COLEC10: variants seen among roughly 807,000 people sequenced by gnomAD.
COLEC10 encodes the protein collectin-10.
A neutral mutation model predicts 28.4 loss-of-function variants in COLEC10; 22 were observed. The ratio of observed to expected loss-of-function variants is 0.78; its 90% CI spans 0.55 to 1.11. The LOEUF is 1.11. Ranked by LOEUF, COLEC10 falls within the 50% of genes least tolerant of loss-of-function variation. The pLI is 0.00. For synonymous variants in COLEC10, 125 were observed against 116.1 expected, an observed-to-expected ratio of 1.08 and a Z score of -0.49; for missense variants, 361 against 344.1, an observed-to-expected ratio of 1.05 and a Z score of -0.39.
At chr8:118,965,553 G>C in the COLEC10 span, among the ~76,000 whole-genome samples, 98,639 of 151,738 alleles carry the variant, frequency 0.65, 33,433 homozygotes, top group African/African-American at 0.85. Context: ...CACCTATGCT[G>C]TAAATGCAAA....
chr8:119,061,070 C>T (rs868404522), intron 2 of COLEC10, among the ~76,000 whole-genome samples: 1 of 151,882 alleles, frequency 6.6e-6, no homozygotes, highest in African/African-American at 2.4e-5. Context: ...ATAATAGGTG[C>T]TCAATAAACA....
chr8:119,087,505 G>A (rs182366889), intron 1 of COLEC10, among the ~76,000 whole-genome samples: 64 of 152,222 alleles, frequency 4.2e-4, no homozygotes, highest in African/African-American at 1.5e-3. Context: ...TAAGTTAAAG[G>A]ACTTCCCAAA....
At position 119,107,637 on chromosome 8, in the gene COLEC10, G is replaced by C. The variant is rs998180742; in HGVS notation, c.*1446G>C. Among the ~76,000 whole-genome samples, 5 of 152,102 alleles carry C rather than the reference G, an allele frequency of 3.3e-5. No individual in the cohort carries two copies. The highest frequency in any genetic ancestry group is 1.2e-4 in the African/African-American group (5 of 41,438). ...GGTTATTTCTGTGGGTTCAACAAGG[G>C]CCATAAACTCAGATCCTACAGGGGC... On this transcript the variant is annotated 3_prime_UTR_variant, in exon 6 of 6. Transcript: ENST00000332843.
intron 3 of COLEC10, among the ~76,000 whole-genome samples, chr8:119,092,416 T>G (rs1030171276): frequency 1.3e-5 from 2 of 152,106 alleles, no homozygotes; most frequent in Non-Finnish European, 2.9e-5. Flanking sequence ...AAAACAGAGA[T>G]AGTCTCCTCT....
intron 1 of COLEC10, among the ~76,000 whole-genome samples, chr8:119,072,050 C>T (rs1248058343): frequency 1.3e-5 from 2 of 152,198 alleles, no homozygotes; most frequent in African/African-American, 4.8e-5. Flanking sequence ...TCCCAGGTGC[C>T]TCTGTCTCTG....
intron 1 of COLEC10, among the ~76,000 whole-genome samples, chr8:119,070,888 A>G (rs772343631): frequency 6.6e-6 from 1 of 152,068 alleles, no homozygotes; most frequent in Admixed American, 6.6e-5. Flanking sequence ...AATTTCCACA[A>G]TTTCCCTATG....
chr8:119,074,142 G>A (rs938945670), intron 1 of COLEC10, among the ~76,000 whole-genome samples: 4 of 151,898 alleles, frequency 2.6e-5, no homozygotes, highest in African/African-American at 9.7e-5. Context: ...GATTAACAGA[G>A]GCTAGGAAGG....
rs1587063842 is a variant in COLEC10 at position 119,098,325 on chromosome 8, A to G, written c.293-4023A>G. On this transcript the variant is annotated intron_variant, in intron 3 of 5. Transcript: ENST00000332843. The stretch of plus-strand genomic sequence containing the variant: ...TTTAGTACGATTAGCTGAGCCCCAA[A>G]GTGGATGAACTTCCAGAGATGTTGA... 2.6e-5 allele frequency among the ~76,000 whole-genome samples: 4 copies of G among 152,110 alleles called. No individual in the cohort carries two copies. The East Asian group carries it at 7.7e-4, about 29-fold the overall frequency.
At chr8:119,088,243 A>G (rs1342230742) in intron 1 of COLEC10, among the ~76,000 whole-genome samples, 1 of 152,012 alleles carries the variant, frequency 6.6e-6, no homozygotes, top group Non-Finnish European at 1.5e-5. Flanking sequence ...AAAGAGAAAG[A>G]AAAGAAAGAA....
chr8:119,064,735 G>A (rs550929180), upstream of COLEC10, among the ~76,000 whole-genome samples: 3 of 151,780 alleles, frequency 2.0e-5, no homozygotes, highest in South Asian at 6.2e-4. Flanking sequence ...GCTTGAGAAT[G>A]TTCATCTTTA....
chr8:118,973,290 A>G, the COLEC10 span, among the ~76,000 whole-genome samples: 1 of 151,976 alleles, frequency 6.6e-6, no homozygotes, highest in South Asian at 2.1e-4. Flanking sequence ...TGTAACTTCT[A>G]TGGGTCAGGA....
chr8:119,015,821 G>A (rs1194988293), intron 2 of COLEC10, among the ~76,000 whole-genome samples: 1 of 152,150 alleles, frequency 6.6e-6, no homozygotes, highest in African/African-American at 2.4e-5. Flanking sequence ...TTAGGACAGA[G>A]TGGTGACTTC....
At chr8:118,979,034 G>A in the COLEC10 span, among the ~76,000 whole-genome samples, 1 of 151,912 alleles carries the variant, frequency 6.6e-6, no homozygotes, top group Non-Finnish European at 1.5e-5. Context: ...TCATGCCTTT[G>A]TTAAAGTAAT....
chr8:118,965,015 T>C, the COLEC10 span, among the ~76,000 whole-genome samples: 2 of 152,190 alleles, frequency 1.3e-5, no homozygotes, highest in African/African-American at 4.8e-5. Flanking sequence ...AGAGACTTCA[T>C]AGGGCATTGA....
At chr8:119,082,118 G>A (rs770206336) in intron 1 of COLEC10, among the ~76,000 whole-genome samples, 4 of 152,144 alleles carry the variant, frequency 2.6e-5, no homozygotes, top group Non-Finnish European at 4.4e-5. Flanking sequence ...AAGCTGATTC[G>A]GGTACTGAGC....
chr8:119,048,360 C>A (rs372424007), intron 2 of COLEC10, among the ~76,000 whole-genome samples: 2 of 152,304 alleles, frequency 1.3e-5, no homozygotes, highest in South Asian at 2.1e-4. Flanking sequence ...GATGTCTATT[C>A]ATTCCAGTTG....
chr8:119,106,244 T>C lies in COLEC10; in HGVS notation c.*53T>C, dbSNP rs1815940729. On this transcript the variant is annotated 3_prime_UTR_variant, in exon 6 of 6. Coordinates refer to ENST00000332843, the MANE Select transcript of COLEC10 (RefSeq NM_006438.5). ...TTCCTGTGACCGTCATTACAGTTAT[T>C]GTTATCCATCCTTTTTTTCCTGATT... 6.6e-7 allele frequency: 1 copy of C among 1,526,210 alleles called. No individual in the cohort carries two copies. The allele number at this position is 1,526,210 out of a possible 1,614,324, so 94.5% of individuals were successfully genotyped here.
At chr8:119,037,210 T>C (rs1032713869) in intron 2 of COLEC10, among the ~76,000 whole-genome samples, 6 of 152,218 alleles carry the variant, frequency 3.9e-5, no homozygotes, top group African/African-American at 1.2e-4. Flanking sequence ...ATACTTTCTT[T>C]TGATACTATA....
the COLEC10 span, among the ~76,000 whole-genome samples, chr8:118,955,338 G>GGTAAAT: frequency 1.3e-5 from 2 of 152,158 alleles, no homozygotes; most frequent in Admixed American, 6.5e-5. Flanking sequence ...TAAAGGTAAA[G>GGTAAAT]TTATCTAGCT....
Sources: gnomAD v4.1 joint callset for allele counts (sites outside exome capture counted in the v4.1 genomes callset) on GRCh38, gnomAD v4.1.1 for gene constraint, MANE v1.5 for transcripts, NCBI Gene and HGNC (gene_info 2026-07-23, HGNC 2026-07-21) for gene names.